Variants in KDR observed in about 807,000 individuals in gnomAD.
KDR encodes the protein kinase insert domain receptor.
In KDR, 43 loss-of-function variants were observed where a neutral mutation model predicts 160.9. That is an observed-to-expected ratio of 0.27 (90% CI 0.21 to 0.34). The LOEUF (loss-of-function observed/expected upper bound fraction) is 0.34, where lower values mean the gene tolerates loss of function less well. Ranked by LOEUF, KDR falls within the 10% of genes least tolerant of loss-of-function variation. KDR has a pLI of 1.00. For synonymous variants in KDR, 617 were observed against 600.1 expected, an observed-to-expected ratio of 1.03 and a Z score of -0.41; for missense variants, 1,469 against 1,666.4, an observed-to-expected ratio of 0.88 and a Z score of 2.06.
rs2110013721 is a variant in KDR at position 55,092,685 on chromosome 4, T to C, written c.3001A>G (p.Thr1001Ala). ...APEDLYKDFL[T>A]LEHLICYSFQ... ...CTGTAACAGATGAGATGCTCCAAGG[T>C]CAGGAAGTCCTTATACAGATCTTCA... Residue 1001 changes from threonine to alanine, a missense_variant, in exon 22 of 30, where the codon ACC becomes GCC. This residue lies in a region of KDR where 151 missense variants were observed against 207.2 expected (regional missense o/e 0.73). Transcript: ENST00000263923. 6.2e-7 allele frequency: 1 copy of C among 1,613,894 alleles called. No individual in the cohort carries two copies. Among genetic ancestry groups the C allele is most frequent in the Non-Finnish European group, 8.5e-7 (1 of 1,179,800 alleles).
At position 55,087,649 on chromosome 4, in the gene KDR, A is replaced by T. The variant is rs1242386488; in HGVS notation, c.3620T>A (p.Val1207Glu). ...SPVSCMEEEE[V>E]CDPKFHYDNT... ...GTCATAATGGAATTTGGGGTCACATACTTCCTCCTCCTCCATACAGGAAAC... is the reference window on the plus strand; with the variant it reads ...GTCATAATGGAATTTGGGGTCACATTCTTCCTCCTCCTCCATACAGGAAAC... The change falls in exon 27 of 30, where the codon GTA (valine) becomes GAA (glutamate). Residue 1207 changes from valine to glutamate, a missense_variant. Val to Glu is a moderately radical substitution (Grantham distance 121, BLOSUM62 -2). Coordinates refer to ENST00000263923, the MANE Select transcript of KDR (RefSeq NM_002253.4). 2.5e-6 allele frequency: 4 copies of T among 1,614,104 alleles called. No homozygotes were observed. Among genetic ancestry groups the T allele is most frequent in the Non-Finnish European group, 3.4e-6 (4 of 1,179,980 alleles).
At position 55,079,280 on chromosome 4, in the gene KDR, CTACTT is replaced by C. The variant is rs572135928; in HGVS notation, c.*656_*660del. ...GGAGTCAGAAACAGCACAACGAACT[CTACTT>C]TAGCCCAACTCGAAGAACACGCAAC... On this transcript the variant is annotated 3_prime_UTR_variant, in exon 30 of 30. Transcript: ENST00000263923. 4.9e-3 allele frequency: 1,157 copies of C among 235,052 alleles called. 9 individuals carry two copies. The highest frequency in any genetic ancestry group is 4.6e-3 in the Non-Finnish European group (547 of 119,302). The allele number at this position is 235,052 out of a possible 1,614,324, so 14.6% of individuals were successfully genotyped here. A position where few individuals can be genotyped will look rare whatever the true frequency, so the allele number is the denominator to read the frequency against.
In KDR at chr4:55,080,119, C is replaced by G. The variant is rs751241917; in HGVS notation, c.3893G>C (p.Gly1298Ala). ...CTGGTAGCCGCTTGTCTGGTTTGAGCCTTCAGATGCCACAGACTCCCTGCT... is the reference window on the plus strand; with the variant it reads ...CTGGTAGCCGCTTGTCTGGTTTGAGGCTTCAGATGCCACAGACTCCCTGCT... The part of the protein sequence containing the change: ...SKSRESVASE[G>A]SNQTSGYQSG... Residue 1298 changes from glycine (G) to alanine (A), a missense_variant, in exon 30 of 30, where the codon GGC (glycine) becomes GCC (alanine). Transcript: ENST00000263923. The G allele has an allele frequency of 3.7e-6, 6 of 1,613,754 alleles. No individual in the cohort carries two copies. The highest frequency in any genetic ancestry group is 2.7e-5 in the African/African-American group (2 of 74,906).
intron 11 of KDR, among the ~76,000 whole-genome samples, chr4:55,106,182 A>G (rs1021770009): frequency 6.6e-6 from 1 of 152,026 alleles, no homozygotes; most frequent in African/African-American, 2.4e-5. Flanking sequence ...TGCATTGTAT[A>G]CTTACCAGTT....
intron 29 of KDR, among the ~76,000 whole-genome samples, chr4:55,080,767 A>G (rs549319516): frequency 7.9e-5 from 12 of 152,358 alleles, no homozygotes; most frequent in African/African-American, 2.6e-4. Flanking sequence ...AATGTTTTCA[A>G]TGGCATGGAA....
intron 2 of KDR, among the ~76,000 whole-genome samples, chr4:55,120,162 T>C (rs185612175): frequency 4.3e-4 from 65 of 152,336 alleles, no homozygotes; most frequent in African/African-American, 1.4e-3. Context: ...GGGTATTCTT[T>C]ATACTGCAGT....
intron 27 of KDR, among the ~76,000 whole-genome samples, chr4:55,083,536 C>T (rs1305196199): frequency 1.3e-5 from 2 of 152,040 alleles, no homozygotes; most frequent in Non-Finnish European, 2.9e-5. Flanking sequence ...AACAACAGAT[C>T]CTCTCCTTCT....
chr4:55,125,169 G>T, intron 1 of KDR, 58 bp downstream of exon 1: 2 of 1,493,038 alleles, frequency 1.3e-6, no homozygotes, highest in Non-Finnish European at 1.8e-6. Flanking sequence ...CTGGCTTTCA[G>T]GTCCTCTCCG....
chr4:55,098,825 AG>A, intron 15 of KDR, 22 bp from the exon 16 acceptor site: 3 of 1,514,180 alleles, frequency 2.0e-6, no homozygotes, highest in Non-Finnish European at 2.8e-6. Flanking sequence ...CAATTGAATG[AG>A]TATCAACAGT....
chr4:55,121,389 T>C (rs1160887516), intron 1 of KDR, among the ~76,000 whole-genome samples, 199 bp from the exon 2 acceptor site: 1 of 152,246 alleles, frequency 6.6e-6, no homozygotes, highest in East Asian at 1.9e-4. Flanking sequence ...CAGATGGTCA[T>C]AAACCAACAC....
In KDR at chr4:55,106,789, G is replaced by A. The variant is rs2110024618; in HGVS notation, c.1434C>T (p.Asn478=). The change falls in exon 11 of 30, where the codon AAC becomes AAT. Residue 478 remains asparagine, a synonymous_variant. Transcript: ENST00000263923. Reference sequence around the variant, plus strand: ...TTCTCCATTCTTCACAAGGGTATGGGTTTGTCACTGAGACAGCTTGGCTAT... The same window carrying A: ...TTCTCCATTCTTCACAAGGGTATGGATTTGTCACTGAGACAGCTTGGCTAT... ...NEPSQAVSVT[N]PYPCEEWRSV... 1.2e-6 allele frequency: 2 copies of A among 1,607,050 alleles called. No homozygotes were observed. Among genetic ancestry groups the A allele is most frequent in the Non-Finnish European group, 1.7e-6 (2 of 1,173,618 alleles).
chr4:55,092,031 G>A (rs1006827795), intron 22 of KDR, among the ~76,000 whole-genome samples: 3 of 152,130 alleles, frequency 2.0e-5, no homozygotes, highest in African/African-American at 7.2e-5. Context: ...GTTGATGAAT[G>A]TAAAATAAAT....
intron 1 of KDR, among the ~76,000 whole-genome samples, chr4:55,124,664 G>A (rs887977372): frequency 1.4e-5 from 2 of 146,110 alleles, no homozygotes; most frequent in African/African-American, 5.1e-5. Context: ...ACCAAGGAAG[G>A]AAAAAAAGTT....
rs576253358 is a variant in KDR at position 55,079,858 on chromosome 4, TG to T, written c.*82del. ...ATGAAAATCAAATGCGGCTACTTCC[TG>T]CTGGTGGAAAGAACAACACTTGAAA... On this transcript the variant is annotated 3_prime_UTR_variant, in exon 30 of 30. Coordinates refer to ENST00000263923, the MANE Select transcript of KDR (RefSeq NM_002253.4). 7.3e-4 allele frequency: 910 copies of T among 1,249,324 alleles called. 1 individual carries two copies. Among genetic ancestry groups the T allele is most frequent in the Non-Finnish European group, 9.8e-4 (833 of 848,582 alleles). The allele number at this position is 1,249,324 out of a possible 1,614,324, so 77.4% of individuals were successfully genotyped here. A position where few individuals can be genotyped will look rare whatever the true frequency, so the allele number is the denominator to read the frequency against.
intron 18 of KDR, among the ~76,000 whole-genome samples, chr4:55,097,456 C>A (rs1720188837): frequency 6.6e-6 from 1 of 152,122 alleles, no homozygotes; most frequent in Non-Finnish European, 1.5e-5. Flanking sequence ...GAAAGCCATT[C>A]CCAACTTTGC....
intron 19 of KDR, 69 bp downstream of exon 19, chr4:55,096,160 G>C: frequency 1.2e-6 from 1 of 849,468 alleles, no homozygotes; most frequent in Non-Finnish European, 2.0e-6. Context: ...GGAGTTGACT[G>C]CTTTCCCTCA....
intron 1 of KDR, among the ~76,000 whole-genome samples, chr4:55,124,218 C>CTT (rs539598707): frequency 6.7e-6 from 1 of 149,098 alleles, no homozygotes; most frequent in Non-Finnish European, 1.5e-5. Context: ...AATTATTCGA[C>CTT]TTTTTTTTTT....
intron 14 of KDR, 151 bp from the exon 15 acceptor site, chr4:55,102,179 C>G: frequency 7.6e-7 from 1 of 1,323,912 alleles, no homozygotes; most frequent in South Asian, 1.2e-5. Flanking sequence ...GACTAATCTC[C>G]TATATGGCTT....
At chr4:55,096,435 A>C in intron 18 of KDR, 93 bp from the exon 19 acceptor site, 1 of 836,768 alleles carries the variant, frequency 1.2e-6, no homozygotes. Flanking sequence ...TATACAACTT[A>C]CCCTCCGGGG....
Sources: gnomAD v4.1 joint callset for allele counts (sites outside exome capture counted in the v4.1 genomes callset) on GRCh38, gnomAD v4.1.1 for gene constraint, gnomAD v4.1.1 regional missense constraint, MANE v1.5 for transcripts, NCBI Gene and HGNC (gene_info 2026-07-23, HGNC 2026-07-21) for gene names.